SLC30A8: variants seen among roughly 807,000 people sequenced by gnomAD.
The protein encoded by SLC30A8 is proton-coupled zinc antiporter SLC30A8.
SLC30A8 carries 27 observed loss-of-function variants against 36.9 expected under a neutral mutation model. The ratio of observed to expected loss-of-function variants is 0.73; its 90% CI spans 0.54 to 1.01. The LOEUF (loss-of-function observed/expected upper bound fraction) is 1.01. Among genes scored for constraint, SLC30A8 ranks in the 50% least tolerant of loss-of-function variants. The pLI is 0.00. For synonymous variants in SLC30A8, 164 were observed against 172.4 expected (o/e 0.95, Z 0.38); for missense variants, 439 against 452.0 (o/e 0.97, Z 0.26).
At chr8:117,166,150 T>G (rs1823045567) in intron 6 of SLC30A8, among the ~76,000 whole-genome samples, 1 of 152,138 alleles carries the variant, frequency 6.6e-6, no homozygotes, top group South Asian at 2.1e-4. Flanking sequence ...TACAACGAAA[T>G]AATAAATGTA....
chr8:117,150,262 G>C (rs1822115055), intron 2 of SLC30A8, among the ~76,000 whole-genome samples: 1 of 152,118 alleles, frequency 6.6e-6, no homozygotes, highest in Admixed American at 6.5e-5. Context: ...CACAACTGTA[G>C]CCCAGCAATG....
At chr8:117,022,284 CA>C (rs1816723700) in intron 1 of SLC30A8, among the ~76,000 whole-genome samples, 1 of 151,530 alleles carries the variant, frequency 6.6e-6, no homozygotes, top group East Asian at 1.9e-4. Flanking sequence ...TTAAACAGGT[CA>C]AAAAACACTA....
At chr8:117,091,467 A>G (rs1819122684) in intron 2 of SLC30A8, among the ~76,000 whole-genome samples, 1 of 152,178 alleles carries the variant, frequency 6.6e-6, no homozygotes, top group Non-Finnish European at 1.5e-5. Flanking sequence ...ATCTCCAGGC[A>G]GCTTTCAGTT....
intron 1 of SLC30A8, among the ~76,000 whole-genome samples, chr8:116,969,272 G>A (rs939146555): frequency 6.6e-6 from 1 of 152,124 alleles, no homozygotes; most frequent in African/African-American, 2.4e-5. Flanking sequence ...ACAAAAATTA[G>A]CTGGGCGTAA....
intron 1 of SLC30A8, among the ~76,000 whole-genome samples, chr8:116,981,960 A>G (rs1415283305): frequency 6.6e-6 from 1 of 152,206 alleles, no homozygotes; most frequent in Non-Finnish European, 1.5e-5. Flanking sequence ...GTTGAATGGT[A>G]ATTCTGCTTT....
chr8:117,091,441 C>T (rs572849647), intron 2 of SLC30A8, among the ~76,000 whole-genome samples: 2 of 152,176 alleles, frequency 1.3e-5, no homozygotes, highest in Admixed American at 6.5e-5. Flanking sequence ...GTGTGTTTCC[C>T]AGGAAGAAAA....
At chr8:117,129,357 T>C (rs1188071690) in intron 2 of SLC30A8, among the ~76,000 whole-genome samples, 1 of 152,028 alleles carries the variant, frequency 6.6e-6, no homozygotes, top group African/African-American at 2.4e-5. Context: ...ATATTCTTCA[T>C]TTGTTGTCAG....
chr8:117,039,757 G>A (rs746232971), intron 2 of SLC30A8, among the ~76,000 whole-genome samples: 11 of 152,160 alleles, frequency 7.2e-5, no homozygotes, highest in Non-Finnish European at 1.5e-4. Flanking sequence ...TATGTTTTTA[G>A]CTTTTCTGTA....
intron 2 of SLC30A8, among the ~76,000 whole-genome samples, chr8:117,116,815 A>G (rs1820464066): frequency 6.6e-6 from 1 of 152,038 alleles, no homozygotes; most frequent in African/African-American, 2.4e-5. Context: ...TCATATGTTT[A>G]TTTGCTAAGA....
At chr8:117,046,281 C>T (rs1393337451) in intron 2 of SLC30A8, among the ~76,000 whole-genome samples, 1 of 152,202 alleles carries the variant, frequency 6.6e-6, no homozygotes, top group African/African-American at 2.4e-5. Context: ...GACCCCCCCA[C>T]CGCCACAGAC....
intron 1 of SLC30A8, among the ~76,000 whole-genome samples, chr8:117,028,273 A>T (rs1046064350): frequency 6.6e-6 from 1 of 152,216 alleles, no homozygotes; most frequent in African/African-American, 2.4e-5. Context: ...AAATGTTAAT[A>T]GTGGTATTTT....
chr8:116,995,004 G>T (rs1470458647), intron 1 of SLC30A8, among the ~76,000 whole-genome samples: 2 of 152,056 alleles, frequency 1.3e-5, no homozygotes, highest in African/African-American at 4.8e-5. Context: ...TTGTGACTGT[G>T]TGTTCACATC....
chr8:116,971,233 C>A (rs1407593456), intron 1 of SLC30A8, among the ~76,000 whole-genome samples: 1 of 152,020 alleles, frequency 6.6e-6, no homozygotes, highest in South Asian at 2.1e-4. Flanking sequence ...ATGTAGCAAA[C>A]CTACATATCC....
At chr8:117,103,022 A>G (rs1417214907) in intron 2 of SLC30A8, among the ~76,000 whole-genome samples, 2 of 152,232 alleles carry the variant, frequency 1.3e-5, no homozygotes, top group Non-Finnish European at 2.9e-5. Flanking sequence ...TCATTCCAGC[A>G]TCAACTCAAA....
chr8:117,032,719 G>A (rs538485492), intron 1 of SLC30A8, among the ~76,000 whole-genome samples: 4 of 152,096 alleles, frequency 2.6e-5, no homozygotes, highest in South Asian at 4.2e-4. Flanking sequence ...GCTAAACCCC[G>A]TCTCTAGTAA....
chr8:117,055,542 G>A (rs917575893), intron 2 of SLC30A8, among the ~76,000 whole-genome samples: 1 of 152,202 alleles, frequency 6.6e-6, no homozygotes, highest in Admixed American at 6.5e-5. Context: ...GATTACAAAT[G>A]TCACTTAAAG....
chr8:116,951,985 G>A (rs1033096067), intron 1 of SLC30A8, among the ~76,000 whole-genome samples: 2 of 152,042 alleles, frequency 1.3e-5, no homozygotes, highest in African/African-American at 4.8e-5. Flanking sequence ...GAGTGCTAAG[G>A]GAGTGAATAG....
At chr8:117,146,853 G>T in intron 1 of SLC30A8, 101 bp from the exon 2 acceptor site, 2 of 1,536,250 alleles carry the variant, frequency 1.3e-6, no homozygotes, top group South Asian at 2.5e-5. Context: ...TAGCAAGTAA[G>T]CAAATGTCCT....
At chr8:117,000,632 CAG>C (rs1336785300) in intron 1 of SLC30A8, among the ~76,000 whole-genome samples, 1 of 151,550 alleles carries the variant, frequency 6.6e-6, no homozygotes, top group Non-Finnish European at 1.5e-5. Context: ...AATGTTAAGA[CAG>C]AAAAAAAAGA....
Sources: allele counts gnomAD v4.1 joint callset (sites outside exome capture counted in the v4.1 genomes callset), GRCh38; gene constraint gnomAD v4.1.1; transcripts MANE v1.5; gene names NCBI Gene and HGNC (gene_info 2026-07-23, HGNC 2026-07-21).